The following PTPRT variants were observed in gnomAD, a reference collection of about 807,000 sequenced individuals.
PTPRT encodes the protein receptor-type tyrosine-protein phosphatase T.
PTPRT carries 56 observed loss-of-function variants against 176.8 expected under a neutral mutation model. The ratio of observed to expected loss-of-function variants is 0.32; its 90% CI spans 0.26 to 0.40. PTPRT has a LOEUF of 0.40. PTPRT is among the 10% of genes least tolerant of loss of function. The probability of loss-of-function intolerance (pLI) is 1.00; values close to 1 mark genes in which losing one functional copy is unlikely to be tolerated. For synonymous variants in PTPRT, 783 were observed against 739.0 expected (o/e 1.06, Z -0.96); for missense variants, 1,540 against 1,908.2 (o/e 0.81, Z 3.60).
the PTPRT span, among the ~76,000 whole-genome samples, chr20:42,039,702 A>ATATATAT: frequency 2.1e-5 from 3 of 142,512 alleles, 1 homozygote; most frequent in Non-Finnish European, 4.7e-5. Context: ...GTATATATAT[A>ATATATAT]GTAATGTATA....
At chr20:42,892,004 CA>C (rs2079201586) in intron 1 of PTPRT, among the ~76,000 whole-genome samples, 1 of 152,194 alleles carries the variant, frequency 6.6e-6, no homozygotes, top group Admixed American at 6.5e-5. Context: ...GGCTGTGTTC[CA>C]ATAAAACTTT....
intron 1 of PTPRT, among the ~76,000 whole-genome samples, chr20:43,079,306 G>A (rs2011374250): frequency 6.6e-6 from 1 of 151,040 alleles, no homozygotes; most frequent in Non-Finnish European, 1.5e-5. Context: ...CTCTCAGGAT[G>A]CTACACCCAC....
chr20:42,038,079 C>T, the PTPRT span, among the ~76,000 whole-genome samples: 8 of 152,224 alleles, frequency 5.3e-5, no homozygotes, highest in Non-Finnish European at 1.0e-4. Flanking sequence ...TCTCACATCA[C>T]ACAACTAAGC....
At chr20:42,598,236 T>C (rs2073709850) in intron 7 of PTPRT, among the ~76,000 whole-genome samples, 1 of 152,216 alleles carries the variant, frequency 6.6e-6, no homozygotes, top group Non-Finnish European at 1.5e-5. Flanking sequence ...TATATTTATA[T>C]ATAACTGTGA....
intron 7 of PTPRT, among the ~76,000 whole-genome samples, chr20:42,620,542 C>A (rs527951396): frequency 6.7e-6 from 1 of 149,900 alleles, no homozygotes; most frequent in Non-Finnish European, 1.5e-5. Flanking sequence ...CCCCCAGCCT[C>A]GTTGTCGCCT....
At chr20:42,098,931 G>A (rs372689639) in intron 26 of PTPRT, among the ~76,000 whole-genome samples, 2 of 152,258 alleles carry the variant, frequency 1.3e-5, no homozygotes, top group South Asian at 2.1e-4. Flanking sequence ...CTGTGGCCAC[G>A]ATGCTGGGCG....
At chr20:42,083,119 A>AG in intron 29 of PTPRT, among the ~76,000 whole-genome samples, 2 of 26,236 alleles carry the variant, frequency 7.6e-5, no homozygotes, top group African/African-American at 1.8e-4. Context: ...ACACTAGTGC[A>AG]AAAAAAAAAA....
At chr20:42,968,268 C>A (rs1320510214) in intron 1 of PTPRT, among the ~76,000 whole-genome samples, 2 of 152,304 alleles carry the variant, frequency 1.3e-5, no homozygotes, top group South Asian at 2.1e-4. Context: ...ACAACGGCCA[C>A]CTGACTCCAC....
intron 15 of PTPRT, among the ~76,000 whole-genome samples, chr20:42,211,848 A>G (rs1369854435): frequency 1.6e-4 from 24 of 151,924 alleles, no homozygotes; most frequent in Non-Finnish European, 1.6e-4. Context: ...ACATGCACAC[A>G]TATGTTTATT....
intron 14 of PTPRT, among the ~76,000 whole-genome samples, chr20:42,244,663 A>G (rs529279082): frequency 6.6e-6 from 1 of 152,334 alleles, no homozygotes; most frequent in Admixed American, 6.5e-5. Context: ...TTAAGGGACC[A>G]TGTTCAGACT....
chr20:42,053,749 T>C, the PTPRT span, among the ~76,000 whole-genome samples: 1 of 152,224 alleles, frequency 6.6e-6, no homozygotes, highest in Non-Finnish European at 1.5e-5. Context: ...CATTTACTTA[T>C]TCATTCACTT....
Position 42,577,931 on chromosome 20 carries a change from G to A in PTPRT, c.1153+99935C>T, listed in dbSNP as rs572332675. The stretch of plus-strand genomic sequence containing the variant: ...TTCAGACCTGAGCGAGGCTGTGTGT[G>A]TGTGTGTGTGTGTGTGTGTGTGTGT... On this transcript the variant is annotated intron_variant, in intron 7 of 30. Transcript: ENST00000373187. 4.3e-5 allele frequency among the ~76,000 whole-genome samples: 6 copies of A among 138,706 alleles called. No homozygotes were observed. In the South Asian group the frequency reaches 1.5e-3, roughly 34 times the overall value. The allele number at this position is 138,706 out of a possible 152,430, so 91.0% of individuals were successfully genotyped here.
Position 42,824,565 on chromosome 20 carries a change from T to C in PTPRT, c.215-33099A>G, listed in dbSNP as rs531889712. 4.7e-4 allele frequency among the ~76,000 whole-genome samples: 72 copies of C among 152,052 alleles called. 3 individuals are homozygous for C. The South Asian group carries it at 0.015, about 31-fold the overall frequency. On this transcript the variant is annotated intron_variant, in intron 2 of 30. Coordinates refer to ENST00000373187, the MANE Select transcript of PTPRT (RefSeq NM_007050.6). ...CTGGAATACTGATTAACTATAGTAT[T>C]TGAAAAAACAATGGACTTAGATTCT...
chr20:42,538,818 C>T (rs1333123561), intron 7 of PTPRT, among the ~76,000 whole-genome samples: 1 of 152,132 alleles, frequency 6.6e-6, no homozygotes, highest in African/African-American at 2.4e-5. Flanking sequence ...TCTTCCTGCC[C>T]ACTCTCCACA....
At chr20:42,965,724 T>C (rs2146049266) in intron 1 of PTPRT, among the ~76,000 whole-genome samples, 1 of 152,308 alleles carries the variant, frequency 6.6e-6, no homozygotes, top group Non-Finnish European at 1.5e-5. Context: ...AGCTCACAGA[T>C]GGAAAAACTT....
chr20:42,044,133 G>A, the PTPRT span, among the ~76,000 whole-genome samples: 138 of 152,196 alleles, frequency 9.1e-4, no homozygotes, highest in Non-Finnish European at 3.1e-4. Context: ...GGACAACATG[G>A]GGTGGTTGTT....
At position 42,110,313 on chromosome 20, in the gene PTPRT, G is replaced by A. The variant is rs1377771191; in HGVS notation, c.3254+20C>T. ...GATCTGCCCGCCTCGGCCTCCCAAG[G>A]TGAAGGACCTTTGACTTACCTGCAG... On this transcript the variant is annotated intron_variant, in intron 23 of 30. Coordinates refer to ENST00000373187, the MANE Select transcript of PTPRT (RefSeq NM_007050.6). 1.3e-6 allele frequency: 2 copies of A among 1,585,546 alleles called. No individual in the cohort carries two copies. Among genetic ancestry groups the A allele is most frequent in the Non-Finnish European group, 1.7e-6 (2 of 1,161,290 alleles).
chr20:42,212,430 A>T (rs1426355730), intron 15 of PTPRT, among the ~76,000 whole-genome samples: 1 of 151,500 alleles, frequency 6.6e-6, no homozygotes, highest in South Asian at 2.1e-4. Context: ...AAAAAAAAAA[A>T]AAAAAAAGAA....
intron 2 of PTPRT, among the ~76,000 whole-genome samples, chr20:42,831,878 C>A (rs753517464): frequency 6.6e-6 from 1 of 152,170 alleles, no homozygotes; most frequent in Admixed American, 6.5e-5. Flanking sequence ...AAAAAAATAA[C>A]AGATGCTGGC....
Sources: gnomAD v4.1 joint callset for allele counts (sites outside exome capture counted in the v4.1 genomes callset) on GRCh38, gnomAD v4.1.1 for gene constraint, MANE v1.5 for transcripts, NCBI Gene and HGNC (gene_info 2026-07-23, HGNC 2026-07-21) for gene names.